Variants in HAPLN3 observed in about 807,000 individuals in gnomAD.
HAPLN3 encodes the protein hyaluronan and proteoglycan link protein 3, also known as extracellular link domain containing, 1.
Under a neutral mutation model 28.1 loss-of-function variants are expected in HAPLN3, and 28 were observed. The observed-to-expected ratio is 1.00, with a 90% confidence interval of 0.74 to 1.37. The LOEUF is 1.37. Ranked by LOEUF, HAPLN3 falls within the 40% of genes most tolerant of loss-of-function variation. The pLI is 0.00. For synonymous variants in HAPLN3, 211 were observed against 213.1 expected, an observed-to-expected ratio of 0.99 and a Z score of 0.09; for missense variants, 513 against 504.6, an observed-to-expected ratio of 1.02 and a Z score of -0.16.
rs1897661685 is a variant in HAPLN3 at position 88,880,259 on chromosome 15, C to T, written c.494-990G>A. The T allele has an allele frequency of 2.9e-6, 3 of 1,040,596 alleles. No individual in the cohort carries two copies. Among genetic ancestry groups the T allele is most frequent in the Non-Finnish European group, 3.5e-6 (3 of 862,588 alleles). The allele number at this position is 1,040,596 out of a possible 1,614,324, so 64.5% of individuals were successfully genotyped here. ...GTTTCTCTAGGCTGCCCCTGCAGACCCCAGACCAATGACTCTTGCAGGTTC... is the reference window on the plus strand; with the variant it reads ...GTTTCTCTAGGCTGCCCCTGCAGACTCCAGACCAATGACTCTTGCAGGTTC... On this transcript the variant is annotated intron_variant, in intron 3 of 4. Transcript: ENST00000359595. The surrounding 1 kb of genome is among the most constrained non-coding windows in gnomAD (Gnocchi z 6.0).
In HAPLN3 at chr15:88,880,293, T is replaced by C. The variant is rs902892011; in HGVS notation, c.494-1024A>G. ...ATGACTCTTGCAGGTTCTCCCCAACTCCACTGCCACCCCAACTTCAAGAAT... is the reference window on the plus strand; with the variant it reads ...ATGACTCTTGCAGGTTCTCCCCAACCCCACTGCCACCCCAACTTCAAGAAT... On this transcript the variant is annotated intron_variant, in intron 3 of 4. Coordinates refer to ENST00000359595, the MANE Select transcript of HAPLN3 (RefSeq NM_178232.4). The surrounding 1 kb of genome is among the most constrained non-coding windows in gnomAD (Gnocchi z 6.0). The C allele has an allele frequency of 3.8e-6, 4 of 1,060,122 alleles. No individual in the cohort carries two copies. The highest frequency in any genetic ancestry group is 3.4e-6 in the Non-Finnish European group (3 of 873,412). The allele number at this position is 1,060,122 out of a possible 1,614,324, so 65.7% of individuals were successfully genotyped here.
At chr15:88,893,814 G>C (rs1377931061) in intron 1 of HAPLN3, among the ~76,000 whole-genome samples, 6 of 151,938 alleles carry the variant, frequency 3.9e-5, no homozygotes, top group Admixed American at 2.0e-4. Context: ...TGTAGTCCCA[G>C]CTACTCGGGA....
intron 1 of HAPLN3, among the ~76,000 whole-genome samples, chr15:88,890,384 CA>C (rs1221268301): frequency 5.9e-5 from 9 of 152,178 alleles, no homozygotes; most frequent in African/African-American, 2.2e-4. Context: ...CACAATGGGG[CA>C]ACCTGGTACA....
intron 1 of HAPLN3, among the ~76,000 whole-genome samples, 178 bp from the exon 2 acceptor site, chr15:88,887,523 C>T (rs1248395379): frequency 6.6e-6 from 1 of 152,198 alleles, no homozygotes; most frequent in Non-Finnish European, 1.5e-5. Context: ...AGATGGGGTT[C>T]CTGCTTTCAG....
In HAPLN3 at chr15:88,877,827, A is replaced by C. The variant is rs1407347008; in HGVS notation, c.*143T>G. On this transcript the variant is annotated 3_prime_UTR_variant, in exon 5 of 5. Transcript: ENST00000359595. This position sits in a 1 kb window ranked among gnomAD's most constrained non-coding sequence, Gnocchi z 5.1. Reference sequence around the variant, plus strand: ...AGGCATTGGGTTCTGTTTGCTTTACAAAAAATAGTAAAAAAATGTTTAAAG... The same window carrying C: ...AGGCATTGGGTTCTGTTTGCTTTACCAAAAATAGTAAAAAAATGTTTAAAG... 2.3e-6 allele frequency: 2 copies of C among 872,166 alleles called. No individual in the cohort carries two copies. Among genetic ancestry groups the C allele is most frequent in the Non-Finnish European group, 3.4e-6 (2 of 586,440 alleles). 54.0% of individuals were successfully genotyped at this position (872,166 alleles called of 1,614,324 possible).
intron 1 of HAPLN3, among the ~76,000 whole-genome samples, chr15:88,891,285 T>G (rs560371767): frequency 3.3e-5 from 5 of 151,230 alleles, no homozygotes; most frequent in South Asian, 2.1e-4. Context: ...GCACTTACTC[T>G]CTCATTTATT....
intron 2 of HAPLN3, among the ~76,000 whole-genome samples, chr15:88,882,831 C>T (rs1897742775): frequency 6.6e-6 from 1 of 152,066 alleles, no homozygotes; most frequent in Non-Finnish European, 1.5e-5. Context: ...AAGTGAGACC[C>T]TGTCTCTACA....
rs528334485 is a variant in HAPLN3, at chr15:88,888,708, G to T, written c.-47-1363C>A. Among the ~76,000 whole-genome samples, 1 of 152,142 alleles carries T rather than the reference G, an allele frequency of 6.6e-6. No individual in the cohort carries two copies. Among genetic ancestry groups the T allele is most frequent in the African/African-American group, 2.4e-5 (1 of 41,414 alleles). On this transcript the variant is annotated intron_variant, in intron 1 of 4. Coordinates refer to ENST00000359595, the MANE Select transcript of HAPLN3 (RefSeq NM_178232.4). This position sits in a 1 kb window ranked among gnomAD's most constrained non-coding sequence, Gnocchi z 4.1. ...CTTGGTCCAGGGAGGGGGCAGAGTCGTGGGCAGGCAGTCTTGATTGCTGTG... is the reference window on the plus strand; with the variant it reads ...CTTGGTCCAGGGAGGGGGCAGAGTCTTGGGCAGGCAGTCTTGATTGCTGTG...
At chr15:88,882,900 G>T (rs1897745277) in intron 2 of HAPLN3, among the ~76,000 whole-genome samples, 1 of 152,148 alleles carries the variant, frequency 6.6e-6, no homozygotes, top group Non-Finnish European at 1.5e-5. Flanking sequence ...CAGCTACTCG[G>T]GAGGCTGAGG....
chr15:88,880,518 G>C lies in HAPLN3; in HGVS notation c.493+839C>G, dbSNP rs875024. 1 of 1,277,088 alleles carries C rather than the reference G, an allele frequency of 7.8e-7. No homozygotes were observed. Among genetic ancestry groups the C allele is most frequent in the Non-Finnish European group, 1.0e-6 (1 of 978,280 alleles). The allele number at this position is 1,277,088 out of a possible 1,614,324, so 79.1% of individuals were successfully genotyped here. On this transcript the variant is annotated intron_variant, in intron 3 of 4. Transcript: ENST00000359595. This position sits in a 1 kb window ranked among gnomAD's most constrained non-coding sequence, Gnocchi z 6.0. ...AGGCATTTACCCACATGTCATAGCTGGGACGGGCTGGGGCTAAAGTCAGGT... is the reference window on the plus strand; with the variant it reads ...AGGCATTTACCCACATGTCATAGCTCGGACGGGCTGGGGCTAAAGTCAGGT...
At chr15:88,893,189 G>A (rs995454008) in intron 1 of HAPLN3, 5 of 682,138 alleles carry the variant, frequency 7.3e-6, no homozygotes, top group African/African-American at 7.0e-5. Flanking sequence ...AAGCTGAGGG[G>A]GTGGATCACC....
chr15:88,887,896 G>C (rs1245295320), intron 1 of HAPLN3, among the ~76,000 whole-genome samples: 2 of 152,048 alleles, frequency 1.3e-5, no homozygotes, highest in Non-Finnish European at 2.9e-5. Flanking sequence ...CCAGGAGGCA[G>C]AGGTTGTGGT....
chr15:88,890,709 C>T (rs181682044), intron 1 of HAPLN3, among the ~76,000 whole-genome samples: 2 of 152,258 alleles, frequency 1.3e-5, no homozygotes, highest in African/African-American at 4.8e-5. Flanking sequence ...AGATGCCTTT[C>T]CCTGGTATTC....
At chr15:88,884,422 G>A (rs1897791103) in intron 2 of HAPLN3, among the ~76,000 whole-genome samples, 1 of 152,118 alleles carries the variant, frequency 6.6e-6, no homozygotes. Context: ...AAATTAGCCA[G>A]GCATGGTGTC....
chr15:88,885,628 T>G (rs934792515), intron 2 of HAPLN3, among the ~76,000 whole-genome samples: 1 of 152,140 alleles, frequency 6.6e-6, no homozygotes, highest in Non-Finnish European at 1.5e-5. Context: ...CGGCTACTTT[T>G]GTATTTTTAG....
rs1898051419 is a variant in HAPLN3 at position 88,892,984 on chromosome 15, G to T, written c.-48+2475C>A. On this transcript the variant is annotated intron_variant, in intron 1 of 4. Coordinates refer to ENST00000359595, the MANE Select transcript of HAPLN3 (RefSeq NM_178232.4). Reference sequence around the variant, plus strand: ...GTCCAGCCCAGTCACCTTGGCAGTGGATAGTTCCCCAAATCTTCTGGAGTC... The same window carrying T: ...GTCCAGCCCAGTCACCTTGGCAGTGTATAGTTCCCCAAATCTTCTGGAGTC... 7.8e-6 allele frequency: 12 copies of T among 1,535,736 alleles called. No individual in the cohort carries two copies. The East Asian group carries it at 2.9e-4, about 38-fold the overall frequency.
intron 1 of HAPLN3, among the ~76,000 whole-genome samples, chr15:88,893,801 G>A (rs540192498): frequency 5.3e-5 from 8 of 151,880 alleles, no homozygotes; most frequent in African/African-American, 1.4e-4. Flanking sequence ...GGTGATGAGC[G>A]CTTGTAGTCC....
In HAPLN3 at chr15:88,878,123, G is replaced by A; in HGVS notation, c.930C>T (p.Arg310=). Residue 310 remains arginine (R), a synonymous_variant, in exon 5 of 5, where the codon CGC becomes CGT. Coordinates refer to ENST00000359595, the MANE Select transcript of HAPLN3 (RefSeq NM_178232.4). ...FAAWKFHGLD[R]CDAGWLADGS... ...CATCTGCCAGCCAGCCAGCGTCGCAGCGGTCCAGGCCATGGAACTTCCAGG... is the reference window on the plus strand; with the variant it reads ...CATCTGCCAGCCAGCCAGCGTCGCAACGGTCCAGGCCATGGAACTTCCAGG... 1 of 1,614,144 alleles carries A rather than the reference G, an allele frequency of 6.2e-7. No individual in the cohort carries two copies. Among genetic ancestry groups the A allele is most frequent in the South Asian group, 1.1e-5 (1 of 91,078 alleles).
chr15:88,878,168 C>A lies in HAPLN3; in HGVS notation c.885G>T (p.Lys295Asn). 1 of 1,614,198 alleles carries A rather than the reference C, an allele frequency of 6.2e-7. No individual in the cohort carries two copies. Among genetic ancestry groups the A allele is most frequent in the East Asian group, 2.2e-5 (1 of 44,886 alleles). ...ACQEDDATIA[K>N]VGQLFAAWKF... is the part of the protein sequence containing the mutation. ...TCCAGGCGGCAAAGAGCTGTCCCAC[C>A]TTGGCGATCGTGGCATCATCTTCCT... is the stretch of plus-strand genomic sequence containing the variant. Residue 295 changes from lysine to asparagine, a missense_variant, in exon 5 of 5, where the codon AAG (lysine) becomes AAT (asparagine). Transcript: ENST00000359595.
Sources: gnomAD v4.1 joint callset for allele counts (sites outside exome capture counted in the v4.1 genomes callset) on GRCh38, gnomAD v4.1.1 for gene constraint, Gnocchi (gnomAD v3.1) non-coding constraint, MANE v1.5 for transcripts, NCBI Gene and HGNC (gene_info 2026-07-23, HGNC 2026-07-21) for gene names.